Variants in JAM3 observed in about 807,000 individuals in gnomAD.
The protein encoded by JAM3 is junctional adhesion molecule 3.
Under a neutral mutation model 39.4 loss-of-function variants are expected in JAM3, and 31 were observed. The ratio of observed to expected loss-of-function variants is 0.79; its 90% CI spans 0.59 to 1.06. JAM3 has a LOEUF of 1.06. Among genes scored for constraint, JAM3 ranks in the 50% least tolerant of loss-of-function variants. The pLI, the probability that JAM3 is intolerant of heterozygous loss-of-function variation, is 0.00. For synonymous variants in JAM3, 182 were observed against 148.7 expected (o/e 1.22, Z -1.63); for missense variants, 455 against 391.4 (o/e 1.16, Z -1.37).
chr11:134,151,741 C>G lies in JAM3; in HGVS notation c.*2560C>G, dbSNP rs1373698903. ...TGTTTAACCTCATTTATAAAAGCTT[C>G]AAAAAAACCCAAACATTGCTTCATT... On this transcript the variant is annotated 3_prime_UTR_variant, in exon 9 of 9. Transcript: ENST00000299106. 6.6e-6 allele frequency: 1 copy of G among 152,134 alleles called. No individual in the cohort carries two copies. 9.4% of individuals were successfully genotyped at this position (152,134 alleles called of 1,614,324 possible).
chr11:134,114,307 A>G (rs189595713), intron 1 of JAM3, among the ~76,000 whole-genome samples: 7 of 152,132 alleles, frequency 4.6e-5, no homozygotes, highest in Admixed American at 1.3e-4. Flanking sequence ...TAGGGTTTTT[A>G]TGGTTTTAGG....
In JAM3 at chr11:134,144,378, G is replaced by A. The variant is rs1204198875; in HGVS notation, c.394G>A (p.Glu132Lys). 1.2e-6 allele frequency: 2 copies of A among 1,614,200 alleles called. No homozygotes were observed. Among genetic ancestry groups the A allele is most frequent in the Non-Finnish European group, 1.7e-6 (2 of 1,180,038 alleles). The change falls in exon 4 of 9, where the codon GAG becomes AAG. Residue 132 changes from glutamate to lysine, a missense_variant. Transcript: ENST00000299106. ...CAAGGAAATTGATGAGATTGTGATC[G>A]AGTTAACTGTGCAAGGTAGGAGCTC... The part of the protein sequence containing the change: ...DRKEIDEIVI[E>K]LTVQVKPVTP...
At chr11:134,106,618 T>A (rs1942193879) in intron 1 of JAM3, among the ~76,000 whole-genome samples, 1 of 152,098 alleles carries the variant, frequency 6.6e-6, no homozygotes, top group Non-Finnish European at 1.5e-5. Flanking sequence ...ATATCTAGAA[T>A]CTACAAAGAA....
At chr11:134,139,810 G>C (rs1217191741) in intron 1 of JAM3, 41 bp from the exon 2 acceptor site, 1 of 1,524,982 alleles carries the variant, frequency 6.6e-7, no homozygotes, top group African/African-American at 1.4e-5. Flanking sequence ...TCTGCCGTTT[G>C]AGATACATTG....
At chr11:134,075,126 A>G (rs1941545462) in intron 1 of JAM3, among the ~76,000 whole-genome samples, 1 of 152,010 alleles carries the variant, frequency 6.6e-6, no homozygotes. Flanking sequence ...TTCCATGGGC[A>G]AAGCAGGAGA....
intron 1 of JAM3, among the ~76,000 whole-genome samples, chr11:134,103,650 A>G (rs1184596302): frequency 2.6e-5 from 4 of 152,204 alleles, no homozygotes; most frequent in African/African-American, 9.7e-5. Flanking sequence ...TAGGCTTAAA[A>G]TAAAGGGATG....
intron 1 of JAM3, chr11:134,139,549 G>A: frequency 2.6e-6 from 1 of 386,016 alleles, no homozygotes; most frequent in Non-Finnish European, 4.9e-6. Flanking sequence ...GAGAGGTGTC[G>A]AAGGGTCAAT....
intron 1 of JAM3, among the ~76,000 whole-genome samples, chr11:134,095,627 CAAAA>C (rs57776262): frequency 6.6e-5 from 9 of 137,294 alleles, no homozygotes; most frequent in Non-Finnish European, 1.3e-4. Flanking sequence ...GAGACTCTGT[CAAAA>C]AAAAAAAAAA....
chr11:134,070,295 C>A (rs891727805), intron 1 of JAM3: 18 of 438,120 alleles, frequency 4.1e-5, no homozygotes, highest in Admixed American at 1.1e-4. Context: ...AGACCAGGAC[C>A]TTTTTCGGTT....
Position 134,123,383 on chromosome 11 carries a change from C to T in JAM3, c.77-16468C>T, listed in dbSNP as rs1232698861. ...AGGAGAAAAATACACCACCACCCCC[C>T]CCCCCCCAAAAAAGGGAAAAAGATC... On this transcript the variant is annotated intron_variant, in intron 1 of 8. Transcript: ENST00000299106. 5.3e-5 allele frequency among the ~76,000 whole-genome samples: 8 copies of T among 151,868 alleles called. No individual in the cohort carries two copies. In the East Asian group the frequency reaches 7.8e-4, roughly 15 times the overall value.
At chr11:134,090,754 G>A (rs1004965375) in intron 1 of JAM3, among the ~76,000 whole-genome samples, 2 of 151,844 alleles carry the variant, frequency 1.3e-5, no homozygotes, top group Non-Finnish European at 2.9e-5. Flanking sequence ...CTAAAGTGTT[G>A]GAAACCTGAA....
At chr11:134,124,233 T>C (rs1942594927) in intron 1 of JAM3, 4 of 1,279,618 alleles carry the variant, frequency 3.1e-6, no homozygotes. Context: ...CTTAAGTTCC[T>C]CTGGGAACTC....
intron 1 of JAM3, among the ~76,000 whole-genome samples, chr11:134,137,125 AAAG>A (rs201999084): frequency 0.047 from 6,981 of 149,980 alleles, 542 homozygotes; most frequent in African/African-American, 0.16. Context: ...AAAAAAAAAA[AAAG>A]AAGAAGAAGT....
intron 1 of JAM3, among the ~76,000 whole-genome samples, chr11:134,126,687 A>G (rs1340764083): frequency 6.6e-6 from 1 of 152,242 alleles, no homozygotes; most frequent in African/African-American, 2.4e-5. Context: ...CAGAGCTAGG[A>G]TAGCAAAGTC....
intron 1 of JAM3, among the ~76,000 whole-genome samples, chr11:134,113,542 A>C (rs1229408331): frequency 6.6e-6 from 1 of 152,184 alleles, no homozygotes; most frequent in Non-Finnish European, 1.5e-5. Flanking sequence ...TTATGGCTGC[A>C]TAGTATTCCA....
intron 1 of JAM3, among the ~76,000 whole-genome samples, chr11:134,126,695 G>A (rs559206484): frequency 6.6e-6 from 1 of 152,238 alleles, no homozygotes; most frequent in African/African-American, 2.4e-5. Context: ...GGATAGCAAA[G>A]TCAGTTTCCT....
intron 1 of JAM3, among the ~76,000 whole-genome samples, chr11:134,083,502 TGAG>T: frequency 6.6e-6 from 1 of 152,342 alleles, no homozygotes; most frequent in East Asian, 1.9e-4. Context: ...GGTAACTTTT[TGAG>T]GAGGAGTGTT....
intron 1 of JAM3, among the ~76,000 whole-genome samples, chr11:134,131,133 C>G (rs1016916398): frequency 2.0e-5 from 3 of 148,446 alleles, no homozygotes; most frequent in Non-Finnish European, 4.4e-5. Context: ...TCATCCCAGG[C>G]TGATCTCTAG....
Position 134,149,652 on chromosome 11 carries a change from T to C in JAM3, c.*471T>C. The C allele has an allele frequency of 2.2e-6, 1 of 458,254 alleles. No individual in the cohort carries two copies. Among genetic ancestry groups the C allele is most frequent in the Non-Finnish European group, 4.4e-6 (1 of 228,314 alleles). The allele number at this position is 458,254 out of a possible 1,614,324, so 28.4% of individuals were successfully genotyped here. On this transcript the variant is annotated 3_prime_UTR_variant, in exon 9 of 9. Transcript: ENST00000299106. ...AAGGCTTCTTACACAGCAGCCTTACTTCATCGGCCCACAGACACCACCGCA... is the reference window on the plus strand; with the variant it reads ...AAGGCTTCTTACACAGCAGCCTTACCTCATCGGCCCACAGACACCACCGCA...
Sources: gnomAD v4.1 joint callset for allele counts (sites outside exome capture counted in the v4.1 genomes callset) on GRCh38, gnomAD v4.1.1 for gene constraint, MANE v1.5 for transcripts, NCBI Gene and HGNC (gene_info 2026-07-23, HGNC 2026-07-21) for gene names.